Variants in ADGRE3 observed in about 807,000 individuals in gnomAD.
ADGRE3 encodes the protein EGF-like module receptor 3.
Under a neutral mutation model 80.1 loss-of-function variants are expected in ADGRE3, and 88 were observed. The observed-to-expected ratio is 1.10, with a 90% CI of 0.93 to 1.31. The LOEUF (loss-of-function observed/expected upper bound fraction) is 1.31, where lower values mean the gene tolerates loss of function less well. Ranked by LOEUF, ADGRE3 falls within the 40% of genes most tolerant of loss-of-function variation. ADGRE3 has a pLI of 0.00. For missense variants in ADGRE3, 715 were observed against 776.5 expected, an observed-to-expected ratio of 0.92 and a Z score of 0.94; for synonymous variants, 281 against 294.8, an observed-to-expected ratio of 0.95 and a Z score of 0.48.
At chr19:14,620,551 TA>T (rs1229204063) in intron 15 of ADGRE3, among the ~76,000 whole-genome samples, 6 of 23,414 alleles carry the variant, frequency 2.6e-4, no homozygotes, top group Admixed American at 6.7e-4. Flanking sequence ...ATATATATTA[TA>T]TATATATATA....
intron 5 of ADGRE3, among the ~76,000 whole-genome samples, chr19:14,657,098 T>C (rs749757556): frequency 2.6e-5 from 4 of 152,092 alleles, no homozygotes; most frequent in Non-Finnish European, 5.9e-5. Flanking sequence ...GGTTTCATCA[T>C]GTTGGCCAGG....
At chr19:14,621,553 T>C (rs1444490558) in intron 15 of ADGRE3, 1 of 554,338 alleles carries the variant, frequency 1.8e-6, no homozygotes, top group Non-Finnish European at 3.0e-6. Context: ...CATGGCAATA[T>C]TGCCCTAAAG....
chr19:14,632,929 C>T lies in ADGRE3; in HGVS notation c.1635G>A (p.Gln545=). The T allele has an allele frequency of 6.2e-7, 1 of 1,608,592 alleles. No individual in the cohort carries two copies. Among genetic ancestry groups the T allele is most frequent in the Non-Finnish European group, 8.5e-7 (1 of 1,175,066 alleles). Reference sequence around the variant, plus strand: ...CATTTGTCACATCCTACCTTGTGTTCTGGATGGTTGACACTTCACTATTGA... The same window carrying T: ...CATTTGTCACATCCTACCTTGTGTTTTGGATGGTTGACACTTCACTATTGA... ...SSLNSEVSTI[Q]NTRMLAFKAT... is the part of the protein sequence containing the mutation. Residue 545 remains glutamine (Q), a synonymous_variant, in exon 13 of 16, where the codon CAG becomes CAA. Transcript: ENST00000253673.
chr19:14,665,055 ATTTTT>A (rs916325882), intron 2 of ADGRE3, among the ~76,000 whole-genome samples: 27 of 89,816 alleles, frequency 3.0e-4, no homozygotes, highest in East Asian at 6.1e-4. Context: ...GAGCAACCTC[ATTTTT>A]TTTTTTTTTT....
intron 5 of ADGRE3, among the ~76,000 whole-genome samples, chr19:14,658,001 G>A (rs1200806288): frequency 6.6e-6 from 1 of 152,040 alleles, no homozygotes; most frequent in East Asian, 1.9e-4. Flanking sequence ...CTGACCTCAA[G>A]TAACATGCCT....
At chr19:14,614,699 C>T (rs186294315), downstream of ADGRE3, among the ~76,000 whole-genome samples, 356 of 151,798 alleles carry the variant, frequency 2.3e-3, no homozygotes, top group Non-Finnish European at 3.7e-3. Context: ...GCCTCTGCCT[C>T]CCAAGTAGTT....
Position 14,655,038 on chromosome 19 carries a change from T to G in ADGRE3, c.521A>C (p.Glu174Ala), listed in dbSNP as rs780126365. ...TTGTTCTGGATCTTTCAAGGCAGTTTCTAGAACTTTCGATTCCACATCCCG... is the reference window on the plus strand; with the variant it reads ...TTGTTCTGGATCTTTCAAGGCAGTTGCTAGAACTTTCGATTCCACATCCCG... ...ILRDVESKVL[E>A]TALKDPEQKV... is the part of the protein sequence containing the mutation. The change falls in exon 6 of 16, where the codon GAA (glutamate) becomes GCA (alanine). Residue 174 changes from glutamate to alanine, a missense_variant. Glu to Ala is a moderately radical substitution (Grantham distance 107). Transcript: ENST00000253673. The G allele has an allele frequency of 4.3e-6, 7 of 1,614,154 alleles. No homozygotes were observed. The East Asian group carries it at 1.6e-4, about 36-fold the overall frequency.
the ADGRE3 span, among the ~76,000 whole-genome samples, chr19:14,601,415 G>T: frequency 6.6e-6 from 1 of 152,162 alleles, no homozygotes; most frequent in Admixed American, 6.6e-5. Flanking sequence ...TAGCTTTAAT[G>T]ATTTGCTACT....
chr19:14,635,671 C>G (rs1383422998), intron 11 of ADGRE3, among the ~76,000 whole-genome samples: 1 of 152,088 alleles, frequency 6.6e-6, no homozygotes, highest in Non-Finnish European at 1.5e-5. Flanking sequence ...CCTCAGCCTC[C>G]CAAAGTGCTG....
rs775638711 is a variant in ADGRE3 at position 14,647,196 on chromosome 19, AGTCAGC to A, written c.861_866del (p.Leu288_Thr289del). ...TGTGACCCACCTTCACGTGCTGGAA[AGTCAGC>A]GTCACAGACTTGGAGAGAGACACGT... On this transcript the variant is annotated inframe_deletion, in exon 8 of 16. Coordinates refer to ENST00000253673, the MANE Select transcript of ADGRE3 (RefSeq NM_032571.5). The A allele has an allele frequency of 6.2e-7, 1 of 1,613,800 alleles. No homozygotes were observed. Among genetic ancestry groups the A allele is most frequent in the Non-Finnish European group, 8.5e-7 (1 of 1,179,876 alleles).
Position 14,631,473 on chromosome 19 carries a change from C to T in ADGRE3, c.1644-1266G>A, listed in dbSNP as rs186292437. ...CAGGTAAGCTGAGATATGAGGCCAT[C>T]CTATTTATAGTATTTATGGCATATA... On this transcript the variant is annotated intron_variant, in intron 13 of 15. Transcript: ENST00000253673. 1.9e-3 allele frequency among the ~76,000 whole-genome samples: 284 copies of T among 150,736 alleles called. 1 individual carries two copies. The highest frequency in any genetic ancestry group is 6.5e-3 in the African/African-American group (267 of 41,122).
At chr19:14,616,414 A>T (rs887489041), downstream of ADGRE3, among the ~76,000 whole-genome samples, 3 of 151,978 alleles carry the variant, frequency 2.0e-5, no homozygotes, top group African/African-American at 7.2e-5. Context: ...ATCATCAAAG[A>T]TGAGTTTGTG....
chr19:14,658,475 G>C (rs755052392), intron 5 of ADGRE3, 38 bp downstream of exon 5: 1 of 1,489,640 alleles, frequency 6.7e-7, no homozygotes, highest in South Asian at 1.4e-5. Context: ...ACTGATGTTT[G>C]TTACCTGGGA....
At chr19:14,647,400 T>C (rs922302345) in intron 7 of ADGRE3, 35 bp from the exon 8 acceptor site, 1 of 1,418,394 alleles carries the variant, frequency 7.1e-7, no homozygotes, top group Non-Finnish European at 9.6e-7. Flanking sequence ...TTTTTTCTTT[T>C]CTTTTCTTTC....
rs749164294 is a variant in ADGRE3 at position 14,647,312 on chromosome 19, C to T, written c.751G>A (p.Ala251Thr). The change falls in exon 8 of 16, where the codon GCA (alanine) becomes ACA (threonine). Residue 251 changes from alanine to threonine, a missense_variant. Coordinates refer to ENST00000253673, the MANE Select transcript of ADGRE3 (RefSeq NM_032571.5). Reference sequence around the variant, plus strand: ...TTATCCATCTCTTCAAAAAAAGTTGCATTTATGATGTTTCCAAGAGAAGAA... The same window carrying T: ...TTATCCATCTCTTCAAAAAAAGTTGTATTTATGATGTTTCCAAGAGAAGAA... ...SYSSLGNIIN[A>T]TFFEEMDKKD... 1 of 1,613,072 alleles carries T rather than the reference C, an allele frequency of 6.2e-7. No homozygotes were observed.
rs77788417 is a variant in ADGRE3, at chr19:14,666,656, C to T, written c.76+2146G>A. On this transcript the variant is annotated intron_variant, in intron 2 of 15. Coordinates refer to ENST00000253673, the MANE Select transcript of ADGRE3 (RefSeq NM_032571.5). ...CCTCCCCGAGTGCTGGGATTACAGG[C>T]GTGAGCCACCGTGCCTGGCCTGTTG... is the stretch of plus-strand genomic sequence containing the variant. Among the ~76,000 whole-genome samples the T allele has an allele frequency of 6.1e-3, 927 of 152,272 alleles. 9 individuals carry two copies. Among genetic ancestry groups the T allele is most frequent in the African/African-American group, 0.021 (877 of 41,544 alleles).
chr19:14,649,428 TCATCTCTCTCTCCC>T (rs1486722957), intron 7 of ADGRE3, among the ~76,000 whole-genome samples: 3 of 126,334 alleles, frequency 2.4e-5, no homozygotes, highest in African/African-American at 5.9e-5. Context: ...CTCTCTAATT[TCATCTCTCTCTCCC>T]CATCTCTCTC....
At chr19:14,628,190 T>C (rs1387682842) in intron 14 of ADGRE3, among the ~76,000 whole-genome samples, 1 of 151,416 alleles carries the variant, frequency 6.6e-6, no homozygotes, top group African/African-American at 2.4e-5. Context: ...TGCTATGATA[T>C]GCCTCACAAA....
At chr19:14,608,989 G>A in the ADGRE3 span, among the ~76,000 whole-genome samples, 3 of 151,946 alleles carry the variant, frequency 2.0e-5, no homozygotes, top group African/African-American at 7.3e-5. Flanking sequence ...TAGTAGAGAC[G>A]GGGTTTCAAC....
Sources: allele counts gnomAD v4.1 joint callset (sites outside exome capture counted in the v4.1 genomes callset), GRCh38; gene constraint gnomAD v4.1.1; transcripts MANE v1.5; gene names NCBI Gene and HGNC (gene_info 2026-07-23, HGNC 2026-07-21).